The following ARB2A variants were observed in gnomAD, a reference collection of about 807,000 sequenced individuals.
ARB2A encodes cotranscriptional regulator ARB2A.
chr5:93,646,986 T>C, the ARB2A span, among the ~76,000 whole-genome samples: 1 of 152,184 alleles, frequency 6.6e-6, no homozygotes, highest in Non-Finnish European at 1.5e-5. Flanking sequence ...CACAGGTATA[T>C]ACACACATAC....
At chr5:93,952,566 G>A in the ARB2A span, among the ~76,000 whole-genome samples, 4 of 152,202 alleles carry the variant, frequency 2.6e-5, no homozygotes, top group African/African-American at 9.6e-5. Context: ...TATATTATTT[G>A]TTTATTTTCT....
the ARB2A span, among the ~76,000 whole-genome samples, chr5:93,840,935 C>T: frequency 6.6e-6 from 1 of 152,074 alleles, no homozygotes; most frequent in Non-Finnish European, 1.5e-5. Context: ...GTGACAAATA[C>T]TTTGTGATTG....
chr5:93,843,912 G>A, the ARB2A span, among the ~76,000 whole-genome samples: 1 of 151,832 alleles, frequency 6.6e-6, no homozygotes, highest in Non-Finnish European at 1.5e-5. Context: ...AGTTTTCCAG[G>A]ACATTTGCTG....
At chr5:93,924,063 A>G in the ARB2A span, among the ~76,000 whole-genome samples, 57 of 152,312 alleles carry the variant, frequency 3.7e-4, no homozygotes, top group Middle Eastern at 0.01. Flanking sequence ...CCTTCAAATT[A>G]TATTTGAAAG....
chr5:93,697,137 C>G, the ARB2A span, among the ~76,000 whole-genome samples: 2 of 150,196 alleles, frequency 1.3e-5, no homozygotes, highest in Non-Finnish European at 3.0e-5. Context: ...AAATGATAAT[C>G]CATCTCCCTA....
the ARB2A span, among the ~76,000 whole-genome samples, chr5:93,640,574 A>G: frequency 0.17 from 23,982 of 143,134 alleles, 2,418 homozygotes; most frequent in African/African-American, 0.28. Flanking sequence ...GTGTGTGTGT[A>G]TGTGTGTGTG....
the ARB2A span, among the ~76,000 whole-genome samples, chr5:93,940,070 A>C: frequency 6.6e-6 from 1 of 152,090 alleles, no homozygotes; most frequent in East Asian, 1.9e-4. Context: ...CTGAATATCC[A>C]TTTCATAAAC....
At chr5:94,108,868 A>G in the ARB2A span, among the ~76,000 whole-genome samples, 2 of 152,186 alleles carry the variant, frequency 1.3e-5, no homozygotes, top group Admixed American at 1.3e-4. Context: ...AAAAGTATAC[A>G]TATAGATATA....
chr5:93,922,810 CG>C, the ARB2A span, among the ~76,000 whole-genome samples: 1 of 152,106 alleles, frequency 6.6e-6, no homozygotes, highest in Non-Finnish European at 1.5e-5. Context: ...GACAACGTGG[CG>C]GAAGCTTTCC....
At chr5:93,986,786 T>C in the ARB2A span, among the ~76,000 whole-genome samples, 2 of 152,210 alleles carry the variant, frequency 1.3e-5, no homozygotes, top group Non-Finnish European at 2.9e-5. Context: ...CGGTGCAAGA[T>C]GTGCTTTGTT....
At chr5:93,694,854 G>A in the ARB2A span, among the ~76,000 whole-genome samples, 3 of 152,118 alleles carry the variant, frequency 2.0e-5, no homozygotes, top group African/African-American at 7.2e-5. Flanking sequence ...TTGACCAATG[G>A]AACAGAACAG....
the ARB2A span, among the ~76,000 whole-genome samples, chr5:93,762,377 C>T: frequency 6.6e-6 from 1 of 152,258 alleles, no homozygotes; most frequent in African/African-American, 2.4e-5. Context: ...GAGCTGAAAA[C>T]CAAGGCATGA....
chr5:93,828,576 A>T, the ARB2A span, among the ~76,000 whole-genome samples: 1 of 152,176 alleles, frequency 6.6e-6, no homozygotes, highest in Non-Finnish European at 1.5e-5. Context: ...GTGGATGACC[A>T]CAACAATCTC....
the ARB2A span, among the ~76,000 whole-genome samples, chr5:93,873,291 CAA>C: frequency 9.9e-5 from 1 of 10,112 alleles, no homozygotes; most frequent in African/African-American, 2.7e-4. Flanking sequence ...GACCCTGTCT[CAA>C]AAAAAAAAGG....
the ARB2A span, among the ~76,000 whole-genome samples, chr5:93,963,529 A>T: frequency 6.6e-6 from 1 of 152,012 alleles, no homozygotes; most frequent in Non-Finnish European, 1.5e-5. Context: ...GGTTTCCTTT[A>T]AAAAAGGAAC....
At chr5:93,928,844 C>A in the ARB2A span, among the ~76,000 whole-genome samples, 1 of 151,812 alleles carries the variant, frequency 6.6e-6, no homozygotes, top group Non-Finnish European at 1.5e-5. Flanking sequence ...TGTTGATGGG[C>A]TATATGGGAA....
chr5:93,901,176 A>G, the ARB2A span, among the ~76,000 whole-genome samples: 1 of 152,204 alleles, frequency 6.6e-6, no homozygotes, highest in Non-Finnish European at 1.5e-5. Flanking sequence ...GACAATAATT[A>G]TTCCCTTTTA....
the ARB2A span, among the ~76,000 whole-genome samples, chr5:93,794,380 C>A: frequency 6.6e-6 from 1 of 151,898 alleles, no homozygotes; most frequent in Non-Finnish European, 1.5e-5. Context: ...CTGGTGCCTC[C>A]TTGATTAGCT....
chr5:93,701,759 A>G, the ARB2A span, among the ~76,000 whole-genome samples: 1 of 152,184 alleles, frequency 6.6e-6, no homozygotes. Flanking sequence ...CAGAATTTCA[A>G]TGACTGAAAC....
Sources: gnomAD v4.1 joint callset for allele counts (sites outside exome capture counted in the v4.1 genomes callset) on GRCh38, gnomAD v4.1.1 for gene constraint, MANE v1.5 for transcripts, NCBI Gene and HGNC (gene_info 2026-07-23, HGNC 2026-07-21) for gene names.